The following PARD3 variants were observed in gnomAD, a reference collection of about 807,000 sequenced individuals.
PARD3 encodes the protein partitioning defective 3 homolog.
A neutral mutation model predicts 155.4 loss-of-function variants in PARD3; 75 were observed. The ratio of observed to expected loss-of-function variants is 0.48; its 90% CI spans 0.40 to 0.58. The LOEUF is 0.58. Among genes scored for constraint, PARD3 ranks in the 20% least tolerant of loss-of-function variants. The pLI, the probability that PARD3 is intolerant of heterozygous loss-of-function variation, is 0.00. For missense variants in PARD3, 1,642 were observed against 1,721.7 expected, an observed-to-expected ratio of 0.95 and a Z score of 0.82; for synonymous variants, 576 against 610.5, an observed-to-expected ratio of 0.94 and a Z score of 0.83.
intron 2 of PARD3, among the ~76,000 whole-genome samples, chr10:34,640,774 A>T (rs1438217497): frequency 6.7e-6 from 1 of 150,258 alleles, no homozygotes. Flanking sequence ...CACCTATCCA[A>T]ACTTTAAATG....
Position 34,561,977 on chromosome 10 carries a change from C to CA in PARD3, c.223-44819dup, listed in dbSNP as rs1238937636. On this transcript the variant is annotated intron_variant, in intron 2 of 24. Transcript: ENST00000374788. The stretch of plus-strand genomic sequence containing the variant: ...TGAAACCCCATCTCTACTAAAAATA[C>CA]AAAAAAATTAGCTGGGTATGGTGGC... 6.0e-5 allele frequency among the ~76,000 whole-genome samples: 9 copies of CA among 150,178 alleles called. No homozygotes were observed. The East Asian group carries it at 1.4e-3, about 23-fold the overall frequency.
intron 2 of PARD3, among the ~76,000 whole-genome samples, chr10:34,675,306 T>C (rs1282299109): frequency 1.3e-5 from 2 of 152,236 alleles, no homozygotes; most frequent in African/African-American, 4.8e-5. Flanking sequence ...TTGGTTGTTA[T>C]TTTCTCCATA....
chr10:34,405,156 C>T (rs748684146), intron 5 of PARD3, among the ~76,000 whole-genome samples: 32 of 151,576 alleles, frequency 2.1e-4, no homozygotes, highest in African/African-American at 5.6e-4. Context: ...AGAATCAGTA[C>T]GAAAATCCTC....
intron 2 of PARD3, among the ~76,000 whole-genome samples, chr10:34,583,496 C>A (rs544682234): frequency 1.3e-5 from 2 of 152,092 alleles, no homozygotes; most frequent in Admixed American, 6.5e-5. Flanking sequence ...GCTAGTCAAA[C>A]CACTTCAAGT....
chr10:34,713,676 G>A (rs1490171407), intron 1 of PARD3, among the ~76,000 whole-genome samples: 2 of 152,136 alleles, frequency 1.3e-5, no homozygotes, highest in East Asian at 3.8e-4. Context: ...TGAGGTAGGA[G>A]GATCGCTTGA....
chr10:34,675,042 CA>C (rs900356061), intron 2 of PARD3, among the ~76,000 whole-genome samples: 1 of 152,154 alleles, frequency 6.6e-6, no homozygotes, highest in Non-Finnish European at 1.5e-5. Context: ...CCTTTTCTAT[CA>C]AGGGGATTCA....
intron 3 of PARD3, among the ~76,000 whole-genome samples, chr10:34,498,903 T>A (rs543968644): frequency 6.6e-6 from 1 of 152,198 alleles, no homozygotes; most frequent in African/African-American, 2.4e-5. Context: ...CTGCAACACA[T>A]ACACACACTC....
At chr10:34,179,144 T>A (rs994042666) in intron 22 of PARD3, among the ~76,000 whole-genome samples, 1 of 151,300 alleles carries the variant, frequency 6.6e-6, no homozygotes, top group African/African-American at 2.4e-5. Flanking sequence ...AGGGAATTCA[T>A]TTATAGCACG....
chr10:34,702,190 T>C (rs1259163749), intron 1 of PARD3, among the ~76,000 whole-genome samples: 1 of 146,288 alleles, frequency 6.8e-6, no homozygotes, highest in Non-Finnish European at 1.5e-5. Flanking sequence ...AAAACAATTT[T>C]AATATTAAAA....
intron 1 of PARD3, among the ~76,000 whole-genome samples, chr10:34,742,529 G>A (rs1021421272): frequency 3.3e-5 from 5 of 152,100 alleles, no homozygotes; most frequent in South Asian, 4.1e-4. Flanking sequence ...TTCAGTTTCC[G>A]TGTTCATTAA....
In PARD3 at chr10:34,386,358, T is replaced by G. The variant is rs528211849; in HGVS notation, c.891-2104A>C. On this transcript the variant is annotated intron_variant, in intron 7 of 24. Transcript: ENST00000374788. ...AAGAATAAAGTACACTGATTTATCT[T>G]CAGGAGCAACTTAACTCTCAGTTCA... Among the ~76,000 whole-genome samples the G allele has an allele frequency of 2.6e-5, 4 of 152,348 alleles. No individual in the cohort carries two copies. In the East Asian group the frequency reaches 7.7e-4, roughly 29 times the overall value.
At chr10:34,116,299 A>C (rs544209780) in intron 24 of PARD3, among the ~76,000 whole-genome samples, 2 of 152,314 alleles carry the variant, frequency 1.3e-5, no homozygotes, top group South Asian at 4.1e-4. Flanking sequence ...CATTTGTTTT[A>C]TTTTACGCTC....
intron 2 of PARD3, among the ~76,000 whole-genome samples, chr10:34,556,550 T>C (rs1011336301): frequency 6.6e-6 from 1 of 151,890 alleles, no homozygotes; most frequent in Non-Finnish European, 1.5e-5. Context: ...GCCCGGCTAA[T>C]TTTTTGTATT....
chr10:34,512,505 T>C (rs1056732624), intron 3 of PARD3, among the ~76,000 whole-genome samples: 1 of 152,182 alleles, frequency 6.6e-6, no homozygotes, highest in African/African-American at 2.4e-5. Context: ...TCCAGGATGA[T>C]CCCATACATT....
chr10:34,792,140 C>T (rs1042068589), intron 1 of PARD3, among the ~76,000 whole-genome samples: 1 of 152,042 alleles, frequency 6.6e-6, no homozygotes, highest in Non-Finnish European at 1.5e-5. Flanking sequence ...CGGACCTGTG[C>T]ACCCCTAGCT....
intron 21 of PARD3, among the ~76,000 whole-genome samples, chr10:34,271,425 A>G (rs1589010306): frequency 6.6e-6 from 1 of 152,326 alleles, no homozygotes; most frequent in Non-Finnish European, 1.5e-5. Context: ...ACTACAATCC[A>G]TCATATTAAC....
Position 34,317,274 on chromosome 10 carries a change from C to T in PARD3, c.2898G>A (p.Gln966=). 6.2e-7 allele frequency: 1 copy of T among 1,613,684 alleles called. No homozygotes were observed. Among genetic ancestry groups the T allele is most frequent in the South Asian group, 1.1e-5 (1 of 91,042 alleles). Residue 966 remains glutamine (Q), a synonymous_variant, in exon 20 of 25, where the codon CAG becomes CAA. Coordinates refer to ENST00000374788, the MANE Select transcript of PARD3 (RefSeq NM_001184785.2). ...TTTGTCTCTCCAGAGAGTGGGAAGGCTGATCACTGGCTGTGGATACAGACT... is the reference window on the plus strand; with the variant it reads ...TTTGTCTCTCCAGAGAGTGGGAAGGTTGATCACTGGCTGTGGATACAGACT... ...GRESVSTASD[Q]PSHSLERQMN...
chr10:34,206,047 G>T (rs188301078), intron 22 of PARD3, among the ~76,000 whole-genome samples: 226 of 152,304 alleles, frequency 1.5e-3, no homozygotes, highest in African/African-American at 5.0e-3. Flanking sequence ...GAGAAAAGCA[G>T]ATCCACATGG....
intron 1 of PARD3, among the ~76,000 whole-genome samples, chr10:34,779,510 A>T (rs1368769453): frequency 6.6e-6 from 1 of 151,200 alleles, no homozygotes; most frequent in Admixed American, 6.6e-5. Context: ...AGTCCTAACT[A>T]CTCGGGAGGC....
Sources: gnomAD v4.1 joint callset for allele counts (sites outside exome capture counted in the v4.1 genomes callset) on GRCh38, gnomAD v4.1.1 for gene constraint, MANE v1.5 for transcripts, NCBI Gene and HGNC (gene_info 2026-07-23, HGNC 2026-07-21) for gene names.